FSIP2: variants seen among roughly 807,000 people sequenced by gnomAD.
The protein encoded by FSIP2 is fibrous sheath interacting protein 2, also known as fibrous sheath-interacting protein 2.
A neutral mutation model predicts 510.5 loss-of-function variants in FSIP2; 367 were observed. The observed-to-expected ratio is 0.72, with a 90% confidence interval of 0.66 to 0.78. The LOEUF (loss-of-function observed/expected upper bound fraction) is 0.78. Among genes scored for constraint, FSIP2 ranks in the 30% least tolerant of loss-of-function variants. The pLI, the probability that FSIP2 is intolerant of heterozygous loss-of-function variation, is 0.00. For synonymous variants in FSIP2, 2,601 were observed against 2,732.2 expected (o/e 0.95, Z 1.50); for missense variants, 7,594 against 7,901.7 (o/e 0.96, Z 1.48).
Position 185,796,022 on chromosome 2 carries a change from C to T in FSIP2, c.8886C>T (p.Asn2962=). ...ITAKSKYGFP[N]KHSLSSLPIY... is the part of the protein sequence containing the mutation. ...CTAAAAGTAAATATGGTTTTCCAAA[C>T]AAGCATAGCCTCAGCAGTTTACCAA... The change falls in exon 16 of 23, where the codon AAC becomes AAT. Residue 2962 remains asparagine (N), a synonymous_variant. Transcript: ENST00000424728. 1 of 1,533,018 alleles carries T rather than the reference C, an allele frequency of 6.5e-7. No individual in the cohort carries two copies. Among genetic ancestry groups the T allele is most frequent in the Non-Finnish European group, 8.7e-7 (1 of 1,145,508 alleles). The allele number at this position is 1,533,018 out of a possible 1,614,324, so 95.0% of individuals were successfully genotyped here. A position where few individuals can be genotyped will look rare whatever the true frequency, so the allele number is the denominator to read the frequency against.
chr2:185,781,374 G>A (rs947813257), intron 13 of FSIP2, among the ~76,000 whole-genome samples: 2 of 152,182 alleles, frequency 1.3e-5, no homozygotes, highest in African/African-American at 4.8e-5. Context: ...GCTAAGCTAA[G>A]CTATTATGTT....
At chr2:185,743,557 A>T (rs1439065762) in intron 3 of FSIP2, among the ~76,000 whole-genome samples, 1 of 152,174 alleles carries the variant, frequency 6.6e-6, no homozygotes, top group Non-Finnish European at 1.5e-5. Context: ...GAATACAAAG[A>T]TATATTATTT....
intron 19 of FSIP2, among the ~76,000 whole-genome samples, chr2:185,819,314 A>G (rs1358196450): frequency 6.6e-6 from 1 of 151,978 alleles, no homozygotes; most frequent in Non-Finnish European, 1.5e-5. Flanking sequence ...GCAGAAAACA[A>G]CAAAATGGCA....
At position 185,808,179 on chromosome 2, in the gene FSIP2, T is replaced by A. The variant is rs1282312238; in HGVS notation, c.18873T>A (p.Asn6291Lys). The A allele has an allele frequency of 1.2e-6, 2 of 1,611,744 alleles. No individual in the cohort carries two copies. The highest frequency in any genetic ancestry group is 1.3e-5 in the African/African-American group (1 of 74,780). The change falls in exon 17 of 23, where the codon AAT becomes AAA. Residue 6291 changes from asparagine (N) to lysine (K), a missense_variant. Asn to Lys is a moderately conservative substitution (Grantham distance 94). Transcript: ENST00000424728. The stretch of plus-strand genomic sequence containing the variant: ...ATACAATAGGCTTTTTAATGGTGAA[T>A]GCAATTTCGAATTCTGAATTTCAAC... Reference protein sequence around the residue: ...LSDTIGFLMVNAISNSEFQPQ... With the variant: ...LSDTIGFLMVKAISNSEFQPQ...
At position 185,786,168 on chromosome 2, in the gene FSIP2, G is replaced by T. The variant is rs1248913034; in HGVS notation, c.1470-84G>T. 23 of 851,864 alleles carry T rather than the reference G, an allele frequency of 2.7e-5. No individual in the cohort carries two copies. In the East Asian group the frequency reaches 5.4e-4, roughly 20 times the overall value. The allele number at this position is 851,864 out of a possible 1,614,324, so 52.8% of individuals were successfully genotyped here. A position where few individuals can be genotyped will look rare whatever the true frequency, so the allele number is the denominator to read the frequency against. On this transcript the variant is annotated intron_variant, in intron 14 of 22. Transcript: ENST00000424728. Reference sequence around the variant, plus strand: ...GAAAAAATCTTAGATACAACAAAATGATTTCAATAATTAGAAATTTTGGGA... The same window carrying T: ...GAAAAAATCTTAGATACAACAAAATTATTTCAATAATTAGAAATTTTGGGA...
In FSIP2 at chr2:185,824,416, C is replaced by A. The variant is rs536823972; in HGVS notation, c.20427-18C>A. 3.8e-6 allele frequency: 6 copies of A among 1,560,578 alleles called. No individual in the cohort carries two copies. Among genetic ancestry groups the A allele is most frequent in the Non-Finnish European group, 4.4e-6 (5 of 1,143,404 alleles). ...TATCAAATTCACCCTAAATGATGTTCTTTTTCTTTTGTTTTAGTGAGGCTG... is the reference window on the plus strand; with the variant it reads ...TATCAAATTCACCCTAAATGATGTTATTTTTCTTTTGTTTTAGTGAGGCTG... On this transcript the variant is annotated intron_variant, in intron 19 of 22. Transcript: ENST00000424728.
intron 13 of FSIP2, among the ~76,000 whole-genome samples, chr2:185,774,335 A>C (rs966360809): frequency 6.6e-6 from 1 of 152,158 alleles, no homozygotes; most frequent in African/African-American, 2.4e-5. Context: ...TATAATTTCT[A>C]ACTCCTCAAA....
rs1439151728 is a variant in FSIP2 at position 185,806,020 on chromosome 2, C to T, written c.16714C>T (p.Pro5572Ser). The change falls in exon 17 of 23, where the codon CCA becomes TCA. Residue 5572 changes from proline to serine, a missense_variant. Coordinates refer to ENST00000424728, the MANE Select transcript of FSIP2 (RefSeq NM_173651.4). ...NEIEKKRNLI[P>S]TDKKGKDDEI... ...AATTGAGAAGAAAAGAAATTTAATTCCAACAGATAAAAAAGGGAAAGATGA... is the reference window on the plus strand; with the variant it reads ...AATTGAGAAGAAAAGAAATTTAATTTCAACAGATAAAAAAGGGAAAGATGA... 1 of 1,552,738 alleles carries T rather than the reference C, an allele frequency of 6.4e-7. No homozygotes were observed. The highest frequency in any genetic ancestry group is 1.4e-5 in the African/African-American group (1 of 71,936).
chr2:185,821,691 A>T (rs1276057687), intron 19 of FSIP2, among the ~76,000 whole-genome samples: 1 of 152,030 alleles, frequency 6.6e-6, no homozygotes, highest in South Asian at 2.1e-4. Context: ...TGAGAGGTTA[A>T]GATGGGCAGA....
In FSIP2 at chr2:185,743,293, A is replaced by G; in HGVS notation, c.386A>G (p.Lys129Arg). ...GGTGGCTACATCACCAGCAATAATA[A>G]AGTGGGTTGAAAATTACTTCTTTTT... ...KKGGYITSNN[K>R]VVCTLRELNK... is the part of the protein sequence containing the mutation. The change falls in exon 3 of 23, where the codon AAA becomes AGA. Residue 129 changes from lysine to arginine, a missense_variant and splice_region_variant. By Grantham distance (26) the Lys-to-Arg change is conservative (BLOSUM62 2). Transcript: ENST00000424728. The G allele has an allele frequency of 2.7e-6, 4 of 1,484,432 alleles. No individual in the cohort carries two copies. The highest frequency in any genetic ancestry group is 3.5e-6 in the Non-Finnish European group (4 of 1,127,158). The allele number at this position is 1,484,432 out of a possible 1,614,324, so 92.0% of individuals were successfully genotyped here.
Position 185,807,038 on chromosome 2 carries a change from C to T in FSIP2, c.17732C>T (p.Thr5911Ile), listed in dbSNP as rs765362874. 1 of 1,593,992 alleles carries T rather than the reference C, an allele frequency of 6.3e-7. No homozygotes were observed. Among genetic ancestry groups the T allele is most frequent in the Non-Finnish European group, 8.5e-7 (1 of 1,172,892 alleles). ...SSDKIPSIDK[T>I]LVNKVVHSSV... Reference sequence around the variant, plus strand: ...GATAAGATACCATCAATTGACAAAACATTGGTCAATAAAGTTGTTCACTCC... The same window carrying T: ...GATAAGATACCATCAATTGACAAAATATTGGTCAATAAAGTTGTTCACTCC... The change falls in exon 17 of 23, where the codon ACA becomes ATA. Residue 5911 changes from threonine (T) to isoleucine (I), a missense_variant. By Grantham distance (89) the Thr-to-Ile change is moderately conservative. Coordinates refer to ENST00000424728, the MANE Select transcript of FSIP2 (RefSeq NM_173651.4).
rs1693107415 is a variant in FSIP2 at position 185,790,927 on chromosome 2, T to C, written c.3791T>C (p.Ile1264Thr). 2.0e-6 allele frequency: 3 copies of C among 1,524,548 alleles called. No individual in the cohort carries two copies. Among genetic ancestry groups the C allele is most frequent in the Admixed American group, 2.1e-5 (1 of 48,610 alleles). The allele number at this position is 1,524,548 out of a possible 1,614,324, so 94.4% of individuals were successfully genotyped here. A position where few individuals can be genotyped will look rare whatever the true frequency, so the allele number is the denominator to read the frequency against. Residue 1264 changes from isoleucine (I) to threonine (T), a missense_variant, in exon 16 of 23, where the codon ATT becomes ACT. By Grantham distance (89) the Ile-to-Thr change is moderately conservative. Transcript: ENST00000424728. ...GTAGATGACATTAATGATAAGATCA[T>C]TCGTACAATTTTTAAAAGACTGAAG... is the stretch of plus-strand genomic sequence containing the variant. ...KPVDDINDKI[I>T]RTIFKRLKSF...
intron 13 of FSIP2, among the ~76,000 whole-genome samples, chr2:185,767,914 G>A (rs568199037): frequency 2.6e-5 from 4 of 152,116 alleles, no homozygotes; most frequent in Admixed American, 6.5e-5. Flanking sequence ...TTGCTAGATC[G>A]ATCATAAGGT....
At chr2:185,767,943 A>C (rs1194961590) in intron 13 of FSIP2, among the ~76,000 whole-genome samples, 2 of 152,140 alleles carry the variant, frequency 1.3e-5, no homozygotes, top group Non-Finnish European at 2.9e-5. Flanking sequence ...AGGAACCTTC[A>C]TACTGTTTTC....
In FSIP2 at chr2:185,788,691, G is replaced by A. The variant is rs1693043820; in HGVS notation, c.1555G>A (p.Val519Ile). 6.5e-7 allele frequency: 1 copy of A among 1,530,944 alleles called. No homozygotes were observed. The allele number at this position is 1,530,944 out of a possible 1,614,324, so 94.8% of individuals were successfully genotyped here. Reference protein sequence around the residue: ...NIIIQNVMTWVVATVTSILYP... With the variant: ...NIIIQNVMTWIVATVTSILYP... ...TATAATTCAGAATGTAATGACCTGG[G>A]TTGTGGCTACAGTGACCAGTATATT... Residue 519 changes from valine (V) to isoleucine (I), a missense_variant, in exon 16 of 23, where the codon GTT becomes ATT. Physicochemically the swap from Val to Ile is conservative, Grantham distance 29. Coordinates refer to ENST00000424728, the MANE Select transcript of FSIP2 (RefSeq NM_173651.4).
At chr2:185,774,496 T>C (rs370032954) in intron 13 of FSIP2, among the ~76,000 whole-genome samples, 2 of 136,376 alleles carry the variant, frequency 1.5e-5, no homozygotes, top group Non-Finnish European at 3.3e-5. Context: ...ATTATTCATA[T>C]AGTCTTCTAA....
In FSIP2 at chr2:185,808,625, A is replaced by G; in HGVS notation, c.19319A>G (p.Tyr6440Cys). The change falls in exon 17 of 23, where the codon TAT becomes TGT. Residue 6440 changes from tyrosine to cysteine, a missense_variant. Tyr to Cys is a radical substitution (Grantham distance 194). Transcript: ENST00000424728. ...LQQSGTNKEF[Y>C]YDIKDTNTAF... The stretch of plus-strand genomic sequence containing the variant: ...CAATCAGGAACCAACAAAGAATTTT[A>G]TTATGATATAAAAGATACAAATACA... 1 of 1,602,758 alleles carries G rather than the reference A, an allele frequency of 6.2e-7. No homozygotes were observed. The highest frequency in any genetic ancestry group is 8.5e-7 in the Non-Finnish European group (1 of 1,175,006).
At chr2:185,817,662 C>T (rs1193761903) in intron 19 of FSIP2, among the ~76,000 whole-genome samples, 2 of 151,870 alleles carry the variant, frequency 1.3e-5, no homozygotes, top group Admixed American at 6.6e-5. Flanking sequence ...TTCAAATACT[C>T]ACATTTGAAC....
rs189621767 is a variant in FSIP2 at position 185,818,882 on chromosome 2, G to A, written c.20426+3411G>A. ...GCTAGACAGTAACTCAGAGCCATATGAAATTATGTAAATTTTAACAAATGT... is the reference window on the plus strand; with the variant it reads ...GCTAGACAGTAACTCAGAGCCATATAAAATTATGTAAATTTTAACAAATGT... On this transcript the variant is annotated intron_variant, in intron 19 of 22. Transcript: ENST00000424728. Among the ~76,000 whole-genome samples, 137 of 151,962 alleles carry A rather than the reference G, an allele frequency of 9.0e-4. 1 individual carries two copies. The highest frequency in any genetic ancestry group is 1.9e-3 in the South Asian group (9 of 4,826).
Sources: allele counts gnomAD v4.1 joint callset (sites outside exome capture counted in the v4.1 genomes callset), GRCh38; gene constraint gnomAD v4.1.1; transcripts MANE v1.5; gene names NCBI Gene and HGNC (gene_info 2026-07-23, HGNC 2026-07-21).